Variants in GABRG3 observed in about 807,000 individuals in gnomAD.
The protein encoded by GABRG3 is gamma-aminobutyric acid type A receptor subunit gamma3, also known as gamma-aminobutyric acid receptor subunit gamma-3.
A neutral mutation model predicts 48.8 loss-of-function variants in GABRG3; 25 were observed. That is an observed-to-expected ratio of 0.51 (90% confidence interval 0.37 to 0.72). The LOEUF is 0.72. Among genes scored for constraint, GABRG3 ranks in the 30% least tolerant of loss-of-function variants. The pLI, the probability that GABRG3 is intolerant of heterozygous loss-of-function variation, is 0.00. For synonymous variants in GABRG3, 227 were observed against 217.6 expected (o/e 1.04, Z -0.38); for missense variants, 394 against 577.9 (o/e 0.68, Z 3.26).
chr15:27,456,472 GC>G (rs548790418), intron 5 of GABRG3, among the ~76,000 whole-genome samples: 1 of 152,050 alleles, frequency 6.6e-6, no homozygotes, highest in African/African-American at 2.4e-5. Context: ...AAGGCACTGG[GC>G]CCCCCCGGGA....
chr15:27,293,876 C>G (rs150759073), intron 3 of GABRG3, among the ~76,000 whole-genome samples: 82 of 152,222 alleles, frequency 5.4e-4, no homozygotes, highest in African/African-American at 1.7e-3. Flanking sequence ...ACAGGAATCC[C>G]TATGTCCAGG....
chr15:27,212,214 A>G (rs1889101786), intron 3 of GABRG3, among the ~76,000 whole-genome samples: 1 of 152,230 alleles, frequency 6.6e-6, no homozygotes, highest in African/African-American at 2.4e-5. Context: ...CGGAAGCAGT[A>G]GTGTCTGAGG....
At chr15:27,523,151 AG>A (rs1891196862) in intron 7 of GABRG3, among the ~76,000 whole-genome samples, 1 of 152,020 alleles carries the variant, frequency 6.6e-6, no homozygotes, top group South Asian at 2.1e-4. Flanking sequence ...GGATTATATT[AG>A]ATTAGATAAA....
intron 5 of GABRG3, among the ~76,000 whole-genome samples, chr15:27,360,346 C>T (rs910489067): frequency 1.3e-5 from 2 of 152,246 alleles, no homozygotes; most frequent in Middle Eastern, 3.4e-3. Context: ...GCCGCGACCC[C>T]GGCCTGTGTT....
chr15:27,526,951 G>C (rs1891291784), intron 7 of GABRG3, among the ~76,000 whole-genome samples: 2 of 152,236 alleles, frequency 1.3e-5, no homozygotes, highest in Admixed American at 6.5e-5. Context: ...GATAGTAGAA[G>C]GTACAGGGAT....
At position 27,433,325 on chromosome 15, in the gene GABRG3, G is replaced by A. The variant is rs565700123; in HGVS notation, c.575-47325G>A. ...TTTTCAGTTTGGGTGGCCAGGAGTCGAAAATGGCTCTTACCAGGCTAAAAT... is the reference window on the plus strand; with the variant it reads ...TTTTCAGTTTGGGTGGCCAGGAGTCAAAAATGGCTCTTACCAGGCTAAAAT... On this transcript the variant is annotated intron_variant, in intron 5 of 9. Coordinates refer to ENST00000615808, the MANE Select transcript of GABRG3 (RefSeq NM_033223.5). Among the ~76,000 whole-genome samples the A allele has an allele frequency of 7.9e-5, 12 of 152,288 alleles. No individual in the cohort carries two copies. In the South Asian group the frequency reaches 1.2e-3, roughly 16 times the overall value.
chr15:27,168,420 C>T (rs981899069), intron 3 of GABRG3, among the ~76,000 whole-genome samples: 1 of 152,142 alleles, frequency 6.6e-6, no homozygotes, highest in African/African-American at 2.4e-5. Flanking sequence ...GCACAACGTT[C>T]AGTTGTTTAG....
intron 3 of GABRG3, among the ~76,000 whole-genome samples, chr15:27,057,976 C>T (rs116080040): frequency 5.1e-4 from 77 of 152,296 alleles, no homozygotes; most frequent in African/African-American, 1.8e-3. Flanking sequence ...CATTCTCCAT[C>T]CACTGGGAGG....
chr15:27,161,675 A>T (rs545186969), intron 3 of GABRG3, among the ~76,000 whole-genome samples: 117 of 152,198 alleles, frequency 7.7e-4, no homozygotes, highest in African/African-American at 2.6e-3. Context: ...ATTAGCATTC[A>T]CATTTTGGTC....
chr15:27,282,377 C>T (rs984162957), intron 3 of GABRG3, among the ~76,000 whole-genome samples: 4 of 152,134 alleles, frequency 2.6e-5, no homozygotes, highest in Admixed American at 6.5e-5. Context: ...CACAAGTCCC[C>T]GAGGCCCTGC....
intron 2 of GABRG3, among the ~76,000 whole-genome samples, chr15:27,019,408 C>T (rs1003393910): frequency 4.6e-5 from 7 of 152,024 alleles, no homozygotes; most frequent in South Asian, 2.1e-4. Context: ...ATAGAAACTC[C>T]GGGAGGTTGA....
At chr15:27,294,860 C>T (rs866115504) in intron 3 of GABRG3, 2 of 152,162 alleles carry the variant, frequency 1.3e-5, no homozygotes, top group Admixed American at 1.3e-4. Context: ...CCTCCTACAC[C>T]CTGATCTGGA....
intron 3 of GABRG3, among the ~76,000 whole-genome samples, chr15:27,122,965 C>T (rs1897756749): frequency 6.6e-6 from 1 of 152,114 alleles, no homozygotes; most frequent in Non-Finnish European, 1.5e-5. Flanking sequence ...CCAATCTGGC[C>T]CACCTCTAGT....
At position 27,405,655 on chromosome 15, in the gene GABRG3, C is replaced by T. The variant is rs1350862568; in HGVS notation, c.575-74995C>T. 2.6e-5 allele frequency among the ~76,000 whole-genome samples: 4 copies of T among 151,954 alleles called. 1 individual carries two copies. In the South Asian group the frequency reaches 6.2e-4, roughly 24 times the overall value. ...AGTGAAGAATTTATGAGAATCCAAA[C>T]GTTCATCTGTAGGTGAATTGATAAA... On this transcript the variant is annotated intron_variant, in intron 5 of 9. Transcript: ENST00000615808.
intron 3 of GABRG3, among the ~76,000 whole-genome samples, chr15:27,286,281 A>G (rs1891609187): frequency 6.6e-6 from 1 of 152,318 alleles, no homozygotes; most frequent in African/African-American, 2.4e-5. Flanking sequence ...TGAGGTAGCC[A>G]CTTCTCTCCA....
At chr15:27,483,385 A>C (rs1890144283) in intron 6 of GABRG3, 1 of 152,186 alleles carries the variant, frequency 6.6e-6, no homozygotes, top group Non-Finnish European at 1.5e-5. Flanking sequence ...CTTTCTATAG[A>C]AACACCAGTC....
intron 3 of GABRG3, among the ~76,000 whole-genome samples, chr15:27,118,004 G>A (rs1290314708): frequency 2.0e-5 from 3 of 152,144 alleles, no homozygotes; most frequent in South Asian, 2.1e-4. Flanking sequence ...ACCAATGTAC[G>A]GAACCAGAAT....
chr15:27,241,539 G>A (rs558264804), intron 3 of GABRG3, among the ~76,000 whole-genome samples: 4 of 152,280 alleles, frequency 2.6e-5, no homozygotes, highest in South Asian at 2.1e-4. Flanking sequence ...TTCAGCACAC[G>A]CTCACATTTA....
chr15:27,338,116 G>T (rs117694656), intron 5 of GABRG3, among the ~76,000 whole-genome samples: 3,542 of 152,280 alleles, frequency 0.023, 56 homozygotes, highest in African/African-American at 0.029. Context: ...TAATTCATGT[G>T]CCCGAGCTGG....
Sources: gnomAD v4.1 joint callset for allele counts (sites outside exome capture counted in the v4.1 genomes callset) on GRCh38, gnomAD v4.1.1 for gene constraint, MANE v1.5 for transcripts, NCBI Gene and HGNC (gene_info 2026-07-23, HGNC 2026-07-21) for gene names.